The following SEMA3D variants were observed in gnomAD, a reference collection of about 807,000 sequenced individuals.
SEMA3D encodes the protein semaphorin 3D, also known as semaphorin-3D.
In SEMA3D, 84 loss-of-function variants were observed where a neutral mutation model predicts 100.1. The ratio of observed to expected loss-of-function variants is 0.84; its 90% confidence interval spans 0.70 to 1.01. The LOEUF is 1.01. Ranked by LOEUF, SEMA3D falls within the 50% of genes least tolerant of loss-of-function variation. The pLI is 0.00. For missense variants in SEMA3D, 875 were observed against 934.1 expected (o/e 0.94, Z 0.82); for synonymous variants, 312 against 320.7 (o/e 0.97, Z 0.29).
chr7:85,157,345 T>A (rs1030402132), intron 1 of SEMA3D, among the ~76,000 whole-genome samples: 2 of 152,206 alleles, frequency 1.3e-5, no homozygotes, highest in Non-Finnish European at 2.9e-5. Flanking sequence ...ATTCTGGTTA[T>A]ATTCAAAATA....
chr7:84,998,008 T>A lies in SEMA3D; in HGVS notation c.*1432A>T, dbSNP rs1044147192. On this transcript the variant is annotated 3_prime_UTR_variant, in exon 19 of 19. Transcript: ENST00000284136. Reference sequence around the variant, plus strand: ...TTAATATTGTGAGTTTGGTTCTTTTTACATGTAGCAGGCTTATTTATTGTT... The same window carrying A: ...TTAATATTGTGAGTTTGGTTCTTTTAACATGTAGCAGGCTTATTTATTGTT... The A allele has an allele frequency of 1.3e-5, 2 of 152,170 alleles. No individual in the cohort carries two copies. Among genetic ancestry groups the A allele is most frequent in the Admixed American group, 6.5e-5 (1 of 15,276 alleles). 9.4% of individuals were successfully genotyped at this position (152,170 alleles called of 1,614,324 possible).
chr7:85,214,382 T>C, the SEMA3D span, among the ~76,000 whole-genome samples: 3 of 152,058 alleles, frequency 2.0e-5, no homozygotes, highest in African/African-American at 7.2e-5. Flanking sequence ...CTCTATACCA[T>C]TTAAATTAGG....
chr7:85,135,521 G>T (rs1213997770), intron 2 of SEMA3D, among the ~76,000 whole-genome samples: 1 of 151,910 alleles, frequency 6.6e-6, no homozygotes, highest in East Asian at 1.9e-4. Context: ...GGGGGTAGAG[G>T]GGGAGGGAAA....
chr7:85,233,187 GA>G, the SEMA3D span, among the ~76,000 whole-genome samples: 2 of 151,444 alleles, frequency 1.3e-5, no homozygotes, highest in African/African-American at 2.4e-5. Context: ...GTTGATGTTA[GA>G]AAAAACTCTT....
At chr7:85,088,098 C>G (rs1325734387) in intron 4 of SEMA3D, among the ~76,000 whole-genome samples, 1 of 151,972 alleles carries the variant, frequency 6.6e-6, no homozygotes, top group African/African-American at 2.4e-5. Context: ...ATTATTTTTA[C>G]TTCATTTTGA....
At chr7:85,113,144 AT>A (rs1789138445) in intron 3 of SEMA3D, among the ~76,000 whole-genome samples, 1 of 152,180 alleles carries the variant, frequency 6.6e-6, no homozygotes, top group Admixed American at 6.5e-5. Context: ...CTCAAAAATT[AT>A]TTTTACAATT....
At chr7:85,127,974 T>A (rs1012724564) in intron 2 of SEMA3D, among the ~76,000 whole-genome samples, 5 of 152,052 alleles carry the variant, frequency 3.3e-5, no homozygotes, top group African/African-American at 1.2e-4. Flanking sequence ...CGGTTGTTTT[T>A]TAAACTCAAA....
chr7:85,221,434 C>G, the SEMA3D span, among the ~76,000 whole-genome samples: 1 of 151,920 alleles, frequency 6.6e-6, no homozygotes. Flanking sequence ...ACATACTGAC[C>G]AGTGTTCAAA....
intron 5 of SEMA3D, among the ~76,000 whole-genome samples, chr7:85,077,054 C>T (rs1051642307): frequency 4.1e-5 from 6 of 147,388 alleles, no homozygotes; most frequent in African/African-American, 1.3e-4. Flanking sequence ...TGCAGTGAGC[C>T]GAGATTGCGC....
At chr7:85,183,666 C>T (rs531399535) in intron 1 of SEMA3D, among the ~76,000 whole-genome samples, 3 of 152,320 alleles carry the variant, frequency 2.0e-5, no homozygotes, top group African/African-American at 7.2e-5. Flanking sequence ...GAAGGCAATT[C>T]TGGTGAAAGG....
At chr7:85,225,113 T>C in the SEMA3D span, among the ~76,000 whole-genome samples, 28 of 70,934 alleles carry the variant, frequency 3.9e-4, no homozygotes, top group East Asian at 5.0e-3. Context: ...TATACATACA[T>C]ATATACATAT....
intron 9 of SEMA3D, among the ~76,000 whole-genome samples, chr7:85,048,888 A>G (rs1281422678): frequency 1.3e-5 from 2 of 151,848 alleles, no homozygotes; most frequent in East Asian, 3.9e-4. Context: ...AGAAACAAAT[A>G]TCTCTTCACT....
At chr7:85,050,120 C>CACACAGAG (rs3220727) in intron 9 of SEMA3D, among the ~76,000 whole-genome samples, 4 of 139,728 alleles carry the variant, frequency 2.9e-5, no homozygotes, top group African/African-American at 1.1e-4. Context: ...CACACACACA[C>CACACAGAG]AGAGACAGAG....
chr7:85,023,185 CT>C (rs964392524), intron 12 of SEMA3D, among the ~76,000 whole-genome samples: 40 of 151,798 alleles, frequency 2.6e-4, no homozygotes, highest in African/African-American at 9.7e-4. Flanking sequence ...TGCAAAGAAA[CT>C]GTTAGGGAAT....
chr7:85,010,842 G>C (rs1789931777), intron 17 of SEMA3D, among the ~76,000 whole-genome samples: 1 of 148,896 alleles, frequency 6.7e-6, no homozygotes, highest in South Asian at 2.1e-4. Context: ...GAGTGAAATA[G>C]CCTCTGATAG....
At chr7:85,140,313 G>C in intron 2 of SEMA3D, 1 of 982,404 alleles carries the variant, frequency 1.0e-6, no homozygotes, top group Non-Finnish European at 1.2e-6. Context: ...GTGACAGAGT[G>C]AAAATGCACG....
chr7:85,206,074 G>GT, the SEMA3D span, among the ~76,000 whole-genome samples: 2 of 152,034 alleles, frequency 1.3e-5, no homozygotes, highest in Non-Finnish European at 2.9e-5. Context: ...GGAAAATGAC[G>GT]TATCAGGACC....
At chr7:85,057,936 G>T (rs1791368447) in intron 8 of SEMA3D, among the ~76,000 whole-genome samples, 1 of 152,046 alleles carries the variant, frequency 6.6e-6, no homozygotes, top group African/African-American at 2.4e-5. Context: ...GTCTCAAAAA[G>T]AAAATAAGTA....
rs144383974 is a variant in SEMA3D at position 85,006,229 on chromosome 7, T to C, written c.1908+573A>G. Among the ~76,000 whole-genome samples the C allele has an allele frequency of 4.9e-3, 744 of 152,112 alleles. 3 individuals are homozygous for C. Among genetic ancestry groups the C allele is most frequent in the Non-Finnish European group, 8.3e-3 (562 of 67,938 alleles). On this transcript the variant is annotated intron_variant, in intron 18 of 18. Transcript: ENST00000284136. ...GAATTTATTTTGTTCACTTAGAAAA[T>C]TGGGGGCTCAGGAACATTACCAAAG... is the stretch of plus-strand genomic sequence containing the variant.
Sources: allele counts gnomAD v4.1 joint callset (sites outside exome capture counted in the v4.1 genomes callset), GRCh38; gene constraint gnomAD v4.1.1; transcripts MANE v1.5; gene names NCBI Gene and HGNC (gene_info 2026-07-23, HGNC 2026-07-21).